ANKS1B: variants seen among roughly 807,000 people sequenced by gnomAD.
ANKS1B encodes ankyrin repeat and sterile alpha motif domain-containing protein 1B.
A neutral mutation model predicts 148.3 loss-of-function variants in ANKS1B; 36 were observed. That is an observed-to-expected ratio of 0.24 (90% CI 0.19 to 0.32). ANKS1B has a LOEUF of 0.32. Ranked by LOEUF, ANKS1B falls within the 10% of genes least tolerant of loss-of-function variation. The pLI is 1.00. For synonymous variants in ANKS1B, 542 were observed against 560.8 expected (o/e 0.97, Z 0.47); for missense variants, 1,157 against 1,542.6 (o/e 0.75, Z 4.19).
intron 19 of ANKS1B, among the ~76,000 whole-genome samples, chr12:98,822,016 G>T (rs1373913615): frequency 6.6e-6 from 1 of 151,670 alleles, no homozygotes; most frequent in Non-Finnish European, 1.5e-5. Flanking sequence ...GGAGAGGGAG[G>T]CTCTTTGGGA....
At chr12:99,084,184 G>A (rs2050800943) in intron 16 of ANKS1B, among the ~76,000 whole-genome samples, 1 of 152,130 alleles carries the variant, frequency 6.6e-6, no homozygotes, top group Non-Finnish European at 1.5e-5. Context: ...TCCCTTGTAG[G>A]GACCATGGAG....
intron 17 of ANKS1B, among the ~76,000 whole-genome samples, chr12:99,017,626 A>G (rs1022951552): frequency 6.6e-6 from 1 of 152,090 alleles, no homozygotes; most frequent in Non-Finnish European, 1.5e-5. Context: ...TCCCTAACCA[A>G]TCAGTGGCAC....
At chr12:99,901,202 A>T (rs2093587392) in intron 1 of ANKS1B, among the ~76,000 whole-genome samples, 1 of 152,226 alleles carries the variant, frequency 6.6e-6, no homozygotes, top group African/African-American at 2.4e-5. Context: ...AACTAGACAC[A>T]GTTTTGGAAT....
intron 10 of ANKS1B, among the ~76,000 whole-genome samples, chr12:99,473,010 T>C (rs910318029): frequency 3.9e-5 from 6 of 152,192 alleles, no homozygotes; most frequent in African/African-American, 2.4e-5. Context: ...ATATTGGCTA[T>C]TATTTTTTAA....
intron 10 of ANKS1B, among the ~76,000 whole-genome samples, chr12:99,483,317 T>G (rs1567189628): frequency 6.6e-6 from 1 of 152,116 alleles, no homozygotes; most frequent in Non-Finnish European, 1.5e-5. Flanking sequence ...GACTTGCATA[T>G]GTTAAACCAT....
At chr12:99,085,045 A>G in intron 15 of ANKS1B, 22 bp from the exon 16 acceptor site, 1 of 1,567,312 alleles carries the variant, frequency 6.4e-7, no homozygotes, top group Non-Finnish European at 8.7e-7. Flanking sequence ...CAGAAATGTT[A>G]CAAGTTAAAT....
At chr12:99,030,650 C>T (rs1408611004) in intron 17 of ANKS1B, among the ~76,000 whole-genome samples, 3 of 152,146 alleles carry the variant, frequency 2.0e-5, no homozygotes, top group Non-Finnish European at 2.9e-5. Flanking sequence ...TATGTATACC[C>T]TGAATGTGGT....
chr12:99,469,138 T>C (rs1341389031), intron 10 of ANKS1B, among the ~76,000 whole-genome samples: 1 of 151,788 alleles, frequency 6.6e-6, no homozygotes, highest in East Asian at 1.9e-4. Flanking sequence ...ATGTCCTTTG[T>C]AGGGACATGG....
intron 14 of ANKS1B, among the ~76,000 whole-genome samples, chr12:99,207,202 C>T (rs1339966281): frequency 6.6e-6 from 1 of 151,996 alleles, no homozygotes; most frequent in Non-Finnish European, 1.5e-5. Flanking sequence ...TTTTGGGGTG[C>T]GATTTTCTGA....
At chr12:99,513,813 G>A (rs1197058379) in intron 9 of ANKS1B, among the ~76,000 whole-genome samples, 1 of 151,922 alleles carries the variant, frequency 6.6e-6, no homozygotes, top group Non-Finnish European at 1.5e-5. Context: ...TATCTTCTTT[G>A]TCTCCAGTCC....
intron 17 of ANKS1B, among the ~76,000 whole-genome samples, chr12:98,946,755 G>A (rs990577816): frequency 4.0e-5 from 6 of 151,516 alleles, no homozygotes; most frequent in African/African-American, 1.5e-4. Flanking sequence ...GGGAAACATA[G>A]CGATACCTTA....
chr12:99,631,974 A>G (rs1367876949), intron 9 of ANKS1B, among the ~76,000 whole-genome samples: 1 of 152,166 alleles, frequency 6.6e-6, no homozygotes, highest in Non-Finnish European at 1.5e-5. Context: ...AAGAAAATGG[A>G]AGAAAGACCC....
chr12:99,488,873 G>C (rs1394740621), intron 10 of ANKS1B, among the ~76,000 whole-genome samples: 1 of 152,074 alleles, frequency 6.6e-6, no homozygotes, highest in Non-Finnish European at 1.5e-5. Flanking sequence ...GGAGAAAATA[G>C]GGGAAGGATT....
intron 9 of ANKS1B, among the ~76,000 whole-genome samples, chr12:99,550,413 C>A (rs1176193780): frequency 6.6e-6 from 1 of 152,128 alleles, no homozygotes; most frequent in Non-Finnish European, 1.5e-5. Flanking sequence ...CAATTGAGGT[C>A]AGGAGTTCAA....
chr12:99,810,088 T>A (rs1050816092), intron 3 of ANKS1B, among the ~76,000 whole-genome samples: 6 of 152,054 alleles, frequency 3.9e-5, no homozygotes, highest in African/African-American at 1.4e-4. Context: ...ACCAATGCGC[T>A]GTTGTGTAAA....
intron 17 of ANKS1B, among the ~76,000 whole-genome samples, chr12:98,984,689 A>AT (rs1412196966): frequency 5.9e-5 from 9 of 152,190 alleles, no homozygotes; most frequent in African/African-American, 2.2e-4. Flanking sequence ...CAAAGCCCAG[A>AT]TTTTTTTAAC....
chr12:99,197,926 C>T (rs2081578653), intron 14 of ANKS1B, among the ~76,000 whole-genome samples: 1 of 152,096 alleles, frequency 6.6e-6, no homozygotes, highest in Non-Finnish European at 1.5e-5. Context: ...ATTATACAGG[C>T]CATTCTATGT....
chr12:99,341,206 C>T (rs1203808975), intron 12 of ANKS1B: 1 of 152,086 alleles, frequency 6.6e-6, no homozygotes, highest in African/African-American at 2.4e-5. Flanking sequence ...TTGTGGATTA[C>T]TCTTCTATAC....
At chr12:98,886,397 T>A (rs111653245) in intron 17 of ANKS1B, among the ~76,000 whole-genome samples, 3 of 152,070 alleles carry the variant, frequency 2.0e-5, no homozygotes, top group Non-Finnish European at 4.4e-5. Context: ...CTTCTGATAG[T>A]TGAATTACTG....
Sources: gnomAD v4.1 joint callset for allele counts (sites outside exome capture counted in the v4.1 genomes callset) on GRCh38, gnomAD v4.1.1 for gene constraint, MANE v1.5 for transcripts, NCBI Gene and HGNC (gene_info 2026-07-23, HGNC 2026-07-21) for gene names.